N4BP2L1: variants seen among roughly 807,000 people sequenced by gnomAD.
N4BP2L1 encodes the protein NEDD4-binding protein 2-like 1.
Under a neutral mutation model 21.2 loss-of-function variants are expected in N4BP2L1, and 12 were observed. That is an observed-to-expected ratio of 0.57 (90% CI 0.36 to 0.92). N4BP2L1 has a LOEUF of 0.92. Among genes scored for constraint, N4BP2L1 ranks in the 40% least tolerant of loss-of-function variants. The pLI is 0.01. For missense variants in N4BP2L1, 259 were observed against 310.6 expected (o/e 0.83, Z 1.25); for synonymous variants, 104 against 112.8 (o/e 0.92, Z 0.49).
chr13:32,413,080 T>G (rs2073949512), intron 1 of N4BP2L1, among the ~76,000 whole-genome samples: 1 of 151,840 alleles, frequency 6.6e-6, no homozygotes, highest in Non-Finnish European at 1.5e-5. Context: ...CCCACCACCA[T>G]GCCCAGCTAA....
intron 1 of N4BP2L1, among the ~76,000 whole-genome samples, chr13:32,421,920 G>A (rs1003736994): frequency 1.3e-5 from 2 of 152,094 alleles, no homozygotes; most frequent in Admixed American, 1.3e-4. Context: ...ATTATGTAGG[G>A]GAAGGTTCAT....
Position 32,402,988 on chromosome 13 carries a change from T to C in N4BP2L1, c.686A>G (p.Asn229Ser). The change falls in exon 5 of 5, where the codon AAT becomes AGT. Residue 229 changes from asparagine (N) to serine (S), a missense_variant. Coordinates refer to ENST00000380130, the MANE Select transcript of N4BP2L1 (RefSeq NM_052818.3). ...GCCCCTTCTGTGATAGGAGCTCTCATTTGTAAATCCACCGTGGGCCCTCCG... is the reference window on the plus strand; with the variant it reads ...GCCCCTTCTGTGATAGGAGCTCTCACTTGTAAATCCACCGTGGGCCCTCCG... Reference protein sequence around the residue: ...PNRRAHGGFTNESSYHRRGGC... With the variant: ...PNRRAHGGFTSESSYHRRGGC... 1.9e-6 allele frequency: 3 copies of C among 1,613,880 alleles called. No individual in the cohort carries two copies. Among genetic ancestry groups the C allele is most frequent in the Non-Finnish European group, 2.5e-6 (3 of 1,179,844 alleles).
intron 3 of N4BP2L1, among the ~76,000 whole-genome samples, chr13:32,405,032 A>G (rs2073384719): frequency 6.6e-6 from 1 of 152,168 alleles, no homozygotes; most frequent in East Asian, 1.9e-4. Context: ...TATTATCACT[A>G]TAATTTATTG....
intron 1 of N4BP2L1, among the ~76,000 whole-genome samples, chr13:32,410,939 T>C (rs1485981485): frequency 1.3e-5 from 2 of 152,194 alleles, no homozygotes; most frequent in Non-Finnish European, 2.9e-5. Context: ...TTTTGGTTTT[T>C]GAACATTTTC....
intron 1 of N4BP2L1, chr13:32,420,476 G>A (rs1469058386): frequency 6.6e-6 from 1 of 152,190 alleles, no homozygotes; most frequent in African/African-American, 2.4e-5. Flanking sequence ...GGCTGTCTGT[G>A]CTGCTTAAAT....
intron 1 of N4BP2L1, among the ~76,000 whole-genome samples, chr13:32,416,963 C>T (rs533238151): frequency 2.0e-5 from 3 of 151,956 alleles, no homozygotes; most frequent in Non-Finnish European, 2.9e-5. Flanking sequence ...ATTACAGGCG[C>T]GTGCCACCAC....
chr13:32,406,995 C>T lies in N4BP2L1; in HGVS notation c.396+255G>A, dbSNP rs541550373. 1.6e-5 allele frequency: 8 copies of T among 489,664 alleles called. No individual in the cohort carries two copies. In the Admixed American group the frequency reaches 1.7e-4, roughly 10 times the overall value. The allele number at this position is 489,664 out of a possible 1,614,324, so 30.3% of individuals were successfully genotyped here. A position where few individuals can be genotyped will look rare whatever the true frequency, so the allele number is the denominator to read the frequency against. ...AAAGTAATTAAGACAGAAAAGTTAT[C>T]AAGGATTCACACCAAAGACCATTTG... On this transcript the variant is annotated intron_variant, in intron 3 of 4. Coordinates refer to ENST00000380130, the MANE Select transcript of N4BP2L1 (RefSeq NM_052818.3).
At chr13:32,408,068 C>T (rs1005757726) in intron 1 of N4BP2L1, among the ~76,000 whole-genome samples, 1 of 152,208 alleles carries the variant, frequency 6.6e-6, no homozygotes, top group African/African-American at 2.4e-5. Context: ...CAAGAAGAAA[C>T]TGAAGCTAAG....
chr13:32,403,757 T>C (rs2073298823), intron 4 of N4BP2L1: 1 of 536,378 alleles, frequency 1.9e-6, no homozygotes, highest in Non-Finnish European at 3.8e-6. Flanking sequence ...GAAGACACTA[T>C]CTGCCTATTA....
chr13:32,427,524 C>A (rs1039630916), intron 1 of N4BP2L1, among the ~76,000 whole-genome samples: 6 of 152,198 alleles, frequency 3.9e-5, no homozygotes, highest in African/African-American at 1.2e-4. Context: ...GCGGTGAAGG[C>A]TGCTTCGGCC....
chr13:32,402,517 A>AACTTTTCC lies in N4BP2L1; in HGVS notation c.*424_*425insGGAAAAGT. The stretch of plus-strand genomic sequence containing the variant: ...AGCAATGGCACTTTGATAAGTAGCA[A>AACTTTTCC]TGCCCCCCCACCACTTCTCTCCACC... On this transcript the variant is annotated 3_prime_UTR_variant, in exon 5 of 5. Transcript: ENST00000380130. 1.0e-6 allele frequency: 1 copy of AACTTTTCC among 970,518 alleles called. No homozygotes were observed. The highest frequency in any genetic ancestry group is 1.2e-6 in the Non-Finnish European group (1 of 816,354). 60.1% of individuals were successfully genotyped at this position (970,518 alleles called of 1,614,324 possible).
chr13:32,402,630 A>AAAC lies in N4BP2L1; in HGVS notation c.*309_*311dup. ...TGGTACTGAAGCTTATATATAATATAAACACTTTATTTCATCTATGAACCT... is the reference window on the plus strand; with the variant it reads ...TGGTACTGAAGCTTATATATAATATAAACAACACTTTATTTCATCTATGAACCT... On this transcript the variant is annotated 3_prime_UTR_variant, in exon 5 of 5. Coordinates refer to ENST00000380130, the MANE Select transcript of N4BP2L1 (RefSeq NM_052818.3). 9.3e-7 allele frequency: 1 copy of AAAC among 1,079,168 alleles called. No individual in the cohort carries two copies. The highest frequency in any genetic ancestry group is 1.1e-6 in the Non-Finnish European group (1 of 888,352). The allele number at this position is 1,079,168 out of a possible 1,614,324, so 66.8% of individuals were successfully genotyped here.
intron 1 of N4BP2L1, among the ~76,000 whole-genome samples, chr13:32,426,639 T>C (rs933543142): frequency 3.3e-5 from 5 of 152,214 alleles, no homozygotes; most frequent in African/African-American, 1.2e-4. Flanking sequence ...CGCACGTGAC[T>C]GTCCATCACC....
At chr13:32,422,903 ACCCTCCACT>A (rs1448161946) in intron 1 of N4BP2L1, among the ~76,000 whole-genome samples, 2 of 152,108 alleles carry the variant, frequency 1.3e-5, no homozygotes, top group Non-Finnish European at 2.9e-5. Flanking sequence ...CACCTGTCTG[ACCCTCCACT>A]TTTATATTCA....
intron 1 of N4BP2L1, chr13:32,419,412 A>ATTTTTTTTTTTTTTTTTTTTTTTTTTT (rs71071039): frequency 1.8e-5 from 5 of 284,698 alleles, no homozygotes; most frequent in African/African-American, 4.4e-5. Context: ...TGCTTGGCTA[A>ATTTTTTTTTTTTTTTTTTTTTTTTTTT]TTTTTTTTTT....
chr13:32,410,819 C>A (rs1049583447), intron 1 of N4BP2L1, among the ~76,000 whole-genome samples: 1 of 152,114 alleles, frequency 6.6e-6, no homozygotes, highest in Non-Finnish European at 1.5e-5. Flanking sequence ...AGTTAAGCAA[C>A]CATGGTAACT....
At chr13:32,422,577 G>C (rs2074542996) in intron 1 of N4BP2L1, among the ~76,000 whole-genome samples, 1 of 152,178 alleles carries the variant, frequency 6.6e-6, no homozygotes, top group African/African-American at 2.4e-5. Flanking sequence ...CAGTTCAGCA[G>C]GGTCTTCTTC....
chr13:32,427,647 C>T (rs2074862719), intron 1 of N4BP2L1, among the ~76,000 whole-genome samples: 1 of 152,118 alleles, frequency 6.6e-6, no homozygotes, highest in African/African-American at 2.4e-5. Context: ...GGGAAACAAA[C>T]AGGACGAGCT....
In N4BP2L1 at chr13:32,407,789, T is replaced by TGA. The variant is rs771366669; in HGVS notation, c.180-19_180-18dup. On this transcript the variant is annotated splice_polypyrimidine_tract_variant and intron_variant, in intron 1 of 4. Transcript: ENST00000380130. ...TGCAATTGTCTGGAAAGTGGAGAAATGAGAGAGAGAGATGTTTTAAATATA... is the reference window on the plus strand; with the variant it reads ...TGCAATTGTCTGGAAAGTGGAGAAATGAGAGAGAGAGAGATGTTTTAAATATA... 8.3e-6 allele frequency: 13 copies of TGA among 1,564,026 alleles called. No individual in the cohort carries two copies. Among genetic ancestry groups the TGA allele is most frequent in the South Asian group, 6.1e-5 (5 of 82,150 alleles).
Sources: gnomAD v4.1 joint callset for allele counts (sites outside exome capture counted in the v4.1 genomes callset) on GRCh38, gnomAD v4.1.1 for gene constraint, MANE v1.5 for transcripts, NCBI Gene and HGNC (gene_info 2026-07-23, HGNC 2026-07-21) for gene names.